The following PTPRN2 variants were observed in gnomAD, a reference collection of about 807,000 sequenced individuals.
The protein encoded by PTPRN2 is protein tyrosine phosphatase receptor type N2.
Under a neutral mutation model 118.8 loss-of-function variants are expected in PTPRN2, and 74 were observed. The observed-to-expected ratio is 0.62, with a 90% CI of 0.52 to 0.76. The LOEUF (loss-of-function observed/expected upper bound fraction) is 0.76. Among genes scored for constraint, PTPRN2 ranks in the 30% least tolerant of loss-of-function variants. The pLI is 0.00. For synonymous variants in PTPRN2, 641 were observed against 608.0 expected, an observed-to-expected ratio of 1.05 and a Z score of -0.80; for missense variants, 1,481 against 1,394.4, an observed-to-expected ratio of 1.06 and a Z score of -0.99.
chr7:158,445,648 G>A (rs190905670), intron 2 of PTPRN2, among the ~76,000 whole-genome samples: 328 of 152,326 alleles, frequency 2.2e-3, no homozygotes, highest in African/African-American at 7.0e-3. Flanking sequence ...AGGGCTGAAC[G>A]CAGACAGCCG....
intron 11 of PTPRN2, among the ~76,000 whole-genome samples, chr7:158,044,318 C>T (rs1238100409): frequency 6.6e-6 from 1 of 152,176 alleles, no homozygotes; most frequent in African/African-American, 2.4e-5. Context: ...GGCCACAGCC[C>T]TGAGGCAGGG....
chr7:157,775,381 A>G (rs764829035), intron 12 of PTPRN2, among the ~76,000 whole-genome samples: 7 of 152,190 alleles, frequency 4.6e-5, no homozygotes, highest in Non-Finnish European at 1.0e-4. Flanking sequence ...CTATTCTCCC[A>G]TAGGCATAAC....
intron 1 of PTPRN2, among the ~76,000 whole-genome samples, chr7:158,572,063 A>G (rs560969112): frequency 1.1e-4 from 16 of 152,306 alleles, no homozygotes; most frequent in African/African-American, 3.4e-4. Flanking sequence ...GGAAGGTTCT[A>G]GAAGGCAGAA....
intron 1 of PTPRN2, among the ~76,000 whole-genome samples, chr7:158,582,335 C>T (rs1828668967): frequency 6.6e-6 from 1 of 152,222 alleles, no homozygotes; most frequent in South Asian, 2.1e-4. Context: ...TCAGCCGAGG[C>T]TCATCTGGCC....
rs112748150 is a variant in PTPRN2, at chr7:158,098,747, G to A, written c.1643+12082C>T. 3.4e-3 allele frequency among the ~76,000 whole-genome samples: 512 copies of A among 152,228 alleles called. 5 individuals carry two copies. Among genetic ancestry groups the A allele is most frequent in the African/African-American group, 0.012 (491 of 41,514 alleles). ...GACGTTTATCTCGTGAACGCGGGACGCTCCTTATGGGAGAGGAGTGGGAGA... is the reference window on the plus strand; with the variant it reads ...GACGTTTATCTCGTGAACGCGGGACACTCCTTATGGGAGAGGAGTGGGAGA... On this transcript the variant is annotated intron_variant, in intron 10 of 22. Coordinates refer to ENST00000389418, the MANE Select transcript of PTPRN2 (RefSeq NM_002847.5).
intron 2 of PTPRN2, among the ~76,000 whole-genome samples, chr7:158,466,819 T>G (rs1819423507): frequency 6.6e-6 from 1 of 152,112 alleles, no homozygotes; most frequent in Admixed American, 6.5e-5. Context: ...GGCGGGTGGA[T>G]CACTTGAGGT....
chr7:158,312,381 CAT>C (rs1801890220), intron 3 of PTPRN2, among the ~76,000 whole-genome samples: 1 of 151,368 alleles, frequency 6.6e-6, no homozygotes, highest in African/African-American at 2.4e-5. Flanking sequence ...CACATGCACA[CAT>C]ACCTGTACAT....
chr7:158,307,485 T>G (rs1056298617), intron 3 of PTPRN2, among the ~76,000 whole-genome samples: 1 of 152,012 alleles, frequency 6.6e-6, no homozygotes, highest in African/African-American at 2.4e-5. Flanking sequence ...GTCCCAGATG[T>G]AGGAGAGGAA....
At chr7:157,765,291 C>G (rs959442345) in intron 12 of PTPRN2, among the ~76,000 whole-genome samples, 1 of 149,968 alleles carries the variant, frequency 6.7e-6, no homozygotes, top group Non-Finnish European at 1.5e-5. Context: ...ATCCACCCAT[C>G]CAACCATCCA....
chr7:157,853,535 G>T (rs1030006597), intron 12 of PTPRN2, among the ~76,000 whole-genome samples: 44 of 151,106 alleles, frequency 2.9e-4, no homozygotes, highest in Admixed American at 2.9e-3. Context: ...TCCAGCACAA[G>T]CCCCGTGACC....
At chr7:157,691,855 G>T (rs182371217) in intron 12 of PTPRN2, among the ~76,000 whole-genome samples, 1 of 152,280 alleles carries the variant, frequency 6.6e-6, no homozygotes, top group East Asian at 1.9e-4. Flanking sequence ...GGACCACTGA[G>T]CACCTCCCCC....
chr7:157,659,215 GGCCCCCACTCTCCAGGAGCCTGCA>G, intron 13 of PTPRN2, among the ~76,000 whole-genome samples: 1 of 150,972 alleles, frequency 6.6e-6, no homozygotes, highest in Non-Finnish European at 1.5e-5. Flanking sequence ...GGGGCCCTGC[GGCCCCCACTCTCCAGGAGCCTGCA>G]GCCCCTGTGA....
At chr7:158,089,559 A>AC (rs1365008808) in intron 10 of PTPRN2, among the ~76,000 whole-genome samples, 9 of 112,754 alleles carry the variant, frequency 8.0e-5, no homozygotes, top group Non-Finnish European at 1.1e-4. Context: ...CTTCACACAA[A>AC]CCTTCTTCCC....
At position 158,025,703 on chromosome 7, in the gene PTPRN2, A is replaced by C. The variant is rs1346480948; in HGVS notation, c.1723+55595T>G. On this transcript the variant is annotated intron_variant, in intron 11 of 22. Transcript: ENST00000389418. ...GTAAGATTTAGAAGCAGAAACATAA[A>C]ATATTGAACAAAAACTAAAACACTT... is the stretch of plus-strand genomic sequence containing the variant. 1.3e-5 allele frequency among the ~76,000 whole-genome samples: 2 copies of C among 152,232 alleles called. 1 individual carries two copies. The highest frequency in any genetic ancestry group is 2.9e-5 in the Non-Finnish European group (2 of 68,058).
intron 3 of PTPRN2, among the ~76,000 whole-genome samples, chr7:158,283,528 C>T (rs1267038064): frequency 1.3e-5 from 2 of 149,140 alleles, no homozygotes; most frequent in Non-Finnish European, 3.0e-5. Flanking sequence ...TCTGCAGCTG[C>T]CCATGGTGGA....
chr7:158,133,757 C>T lies in PTPRN2; in HGVS notation c.1476G>A (p.Gln492=), dbSNP rs762109891. 5 of 1,613,734 alleles carry T rather than the reference C, an allele frequency of 3.1e-6. No homozygotes were observed. Among genetic ancestry groups the T allele is most frequent in the East Asian group, 4.5e-5 (2 of 44,878 alleles). ...ATTGCAGGCCGTCGCTGAGGGCCTCCTGAGCACCCGCTGGAAGGCTCTGCT... is the reference window on the plus strand; with the variant it reads ...ATTGCAGGCCGTCGCTGAGGGCCTCTTGAGCACCCGCTGGAAGGCTCTGCT... ...KEEQSLPAGA[Q]EALSDGLQLE... Residue 492 remains glutamine, a synonymous_variant, in exon 9 of 23, where the codon CAG becomes CAA. Coordinates refer to ENST00000389418, the MANE Select transcript of PTPRN2 (RefSeq NM_002847.5).
intron 2 of PTPRN2, among the ~76,000 whole-genome samples, chr7:158,327,092 C>T (rs192138303): frequency 1.3e-5 from 2 of 151,922 alleles, no homozygotes; most frequent in Admixed American, 6.6e-5. Context: ...CACATGCACT[C>T]ATTCTCACCC....
chr7:158,222,331 C>T (rs147525960), intron 3 of PTPRN2, among the ~76,000 whole-genome samples: 65 of 152,210 alleles, frequency 4.3e-4, no homozygotes, highest in African/African-American at 1.5e-3. Context: ...ACCTAGATAC[C>T]CACTGATGAT....
At chr7:157,647,351 C>CA (rs1305822692) in intron 14 of PTPRN2, among the ~76,000 whole-genome samples, 2 of 30,188 alleles carry the variant, frequency 6.6e-5, no homozygotes. Context: ...CGGACCCATT[C>CA]GCTGTGCACT....
Sources: allele counts gnomAD v4.1 joint callset (sites outside exome capture counted in the v4.1 genomes callset), GRCh38; gene constraint gnomAD v4.1.1; transcripts MANE v1.5; gene names NCBI Gene and HGNC (gene_info 2026-07-23, HGNC 2026-07-21).